Variants in MEGF10 observed in about 807,000 individuals in gnomAD.
The protein encoded by MEGF10 is multiple epidermal growth factor-like domains protein 10.
MEGF10 carries 86 observed loss-of-function variants against 147.5 expected under a neutral mutation model. The ratio of observed to expected loss-of-function variants is 0.58; its 90% CI spans 0.49 to 0.70. MEGF10 has a LOEUF of 0.70. Among genes scored for constraint, MEGF10 ranks in the 30% least tolerant of loss-of-function variants. The probability of loss-of-function intolerance (pLI) is 0.00; values close to 1 mark genes in which losing one functional copy is unlikely to be tolerated. For missense variants in MEGF10, 1,329 were observed against 1,487.3 expected, an observed-to-expected ratio of 0.89 and a Z score of 1.75; for synonymous variants, 478 against 525.5, an observed-to-expected ratio of 0.91 and a Z score of 1.24.
chr5:127,288,512 G>A (rs920508253), upstream of MEGF10, among the ~76,000 whole-genome samples: 1 of 152,268 alleles, frequency 6.6e-6, no homozygotes, highest in South Asian at 2.1e-4. Context: ...TCATTAGTCA[G>A]TAAGGAAACG....
At chr5:127,264,031 T>G in the MEGF10 span, among the ~76,000 whole-genome samples, 2,502 of 152,238 alleles carry the variant, frequency 0.016, 55 homozygotes, top group East Asian at 0.086. Context: ...CTCACCAAAC[T>G]GATTCTCTTA....
rs56157640 is a variant in MEGF10, at chr5:127,455,564, G to A, written c.3189G>A (p.Glu1063=). The A allele has an allele frequency of 0.022, 34,737 of 1,614,078 alleles. 602 individuals are homozygous for A. Among genetic ancestry groups the A allele is most frequent in the South Asian group, 0.067 (6,079 of 91,078 alleles). ...CACGAAGAGATTCCCCATATGCAGA[G>A]ATCAATAACTCAACTTCAGCCAACA... ...SPARRDSPYA[E]INNSTSANRN... Residue 1063 remains glutamate (E), a synonymous_variant, in exon 24 of 25, where the codon GAG becomes GAA. Coordinates refer to ENST00000503335, the MANE Select transcript of MEGF10 (RefSeq NM_001256545.2).
At chr5:127,236,609 C>A in the MEGF10 span, among the ~76,000 whole-genome samples, 1 of 152,176 alleles carries the variant, frequency 6.6e-6, no homozygotes, top group Admixed American at 6.5e-5. Context: ...TTCCCAAGGA[C>A]GTCACCCTCT....
intron 7 of MEGF10, among the ~76,000 whole-genome samples, chr5:127,400,194 T>A (rs778107636): frequency 4.6e-5 from 7 of 151,976 alleles, no homozygotes; most frequent in Non-Finnish European, 8.8e-5. Context: ...GGGTTAGAAA[T>A]GGTGAGTAGC....
chr5:127,280,029 A>G, the MEGF10 span, among the ~76,000 whole-genome samples: 1 of 152,208 alleles, frequency 6.6e-6, no homozygotes, highest in South Asian at 2.1e-4. Flanking sequence ...TATGTGGGCA[A>G]AAGAGTTTAT....
intron 1 of MEGF10, among the ~76,000 whole-genome samples, chr5:127,300,856 A>G (rs1318460494): frequency 6.6e-6 from 1 of 152,168 alleles, no homozygotes; most frequent in Non-Finnish European, 1.5e-5. Context: ...AGCAACTCCA[A>G]TGCCTAAGAG....
chr5:127,232,026 C>T, the MEGF10 span, among the ~76,000 whole-genome samples: 4 of 152,174 alleles, frequency 2.6e-5, no homozygotes, highest in Non-Finnish European at 5.9e-5. Flanking sequence ...GCAGGAGTGG[C>T]AGCAGAAAAC....
At chr5:127,364,599 C>G (rs1430849275) in intron 4 of MEGF10, among the ~76,000 whole-genome samples, 2 of 152,162 alleles carry the variant, frequency 1.3e-5, no homozygotes, top group Admixed American at 1.3e-4. Flanking sequence ...ATAGGGTAGG[C>G]TGCAATATAA....
rs181756479 is a variant in MEGF10 at position 127,298,181 on chromosome 5, C to T, written c.-19+7125C>T. On this transcript the variant is annotated intron_variant, in intron 1 of 24. Coordinates refer to ENST00000503335, the MANE Select transcript of MEGF10 (RefSeq NM_001256545.2). The stretch of plus-strand genomic sequence containing the variant: ...CATCCTACCATTGCCACTTTCTCAC[C>T]GCCCATCTTTTTCTGAAGGCTACCA... Among the ~76,000 whole-genome samples, 6 of 152,200 alleles carry T rather than the reference C, an allele frequency of 3.9e-5. No individual in the cohort carries two copies. The East Asian group carries it at 5.8e-4, about 15-fold the overall frequency.
chr5:127,274,205 G>A, the MEGF10 span, among the ~76,000 whole-genome samples: 1 of 151,636 alleles, frequency 6.6e-6, no homozygotes, highest in African/African-American at 2.4e-5. Context: ...AAAAAAGGTA[G>A]GGGCAGAAGA....
chr5:127,287,940 G>GACTCA (rs1759080317), upstream of MEGF10, among the ~76,000 whole-genome samples: 1 of 151,974 alleles, frequency 6.6e-6, no homozygotes, highest in South Asian at 2.1e-4. Context: ...TCCTGAAATA[G>GACTCA]ACTCACTCAT....
chr5:127,264,245 A>G, the MEGF10 span, among the ~76,000 whole-genome samples: 1 of 152,204 alleles, frequency 6.6e-6, no homozygotes, highest in African/African-American at 2.4e-5. Context: ...TAGCATATTC[A>G]GAGCATCTCT....
chr5:127,299,949 A>G (rs776954536), intron 1 of MEGF10: 3 of 152,030 alleles, frequency 2.0e-5, no homozygotes, highest in Non-Finnish European at 4.4e-5. Context: ...GCTTGAGGTC[A>G]CTTAGAGCTC....
chr5:127,283,262 A>G, the MEGF10 span, among the ~76,000 whole-genome samples: 2 of 152,370 alleles, frequency 1.3e-5, no homozygotes, highest in Middle Eastern at 3.4e-3. Context: ...ACACACATTC[A>G]TAAGTCCTCA....
At position 127,336,545 on chromosome 5, in the gene MEGF10, A is replaced by G. The variant is rs553716531; in HGVS notation, c.117-2575A>G. Among the ~76,000 whole-genome samples, 141 of 152,278 alleles carry G rather than the reference A, an allele frequency of 9.3e-4. 1 individual carries two copies. The highest frequency in any genetic ancestry group is 3.2e-3 in the African/African-American group (132 of 41,580). On this transcript the variant is annotated intron_variant, in intron 2 of 24. Coordinates refer to ENST00000503335, the MANE Select transcript of MEGF10 (RefSeq NM_001256545.2). ...CATTTAAAAACTCTTTTTGGTTCCT[A>G]GAAACCAGTGAAAACATTTTACTTG...
At chr5:127,323,846 A>T (rs1760895091) in intron 1 of MEGF10, among the ~76,000 whole-genome samples, 1 of 152,166 alleles carries the variant, frequency 6.6e-6, no homozygotes, top group Non-Finnish European at 1.5e-5. Context: ...CCCAAGATGG[A>T]TCACTCACAC....
At chr5:127,244,054 G>C in the MEGF10 span, among the ~76,000 whole-genome samples, 10 of 151,700 alleles carry the variant, frequency 6.6e-5, no homozygotes, top group Admixed American at 5.9e-4. Flanking sequence ...AAATTAGCTG[G>C]GCATGGTGGT....
At chr5:127,360,811 G>GTT (rs893427858) in intron 4 of MEGF10, among the ~76,000 whole-genome samples, 3 of 151,128 alleles carry the variant, frequency 2.0e-5, no homozygotes, top group Admixed American at 6.6e-5. Flanking sequence ...ATATATATAG[G>GTT]TTATATATAT....
intron 8 of MEGF10, among the ~76,000 whole-genome samples, chr5:127,403,768 T>G (rs1580823038): frequency 1.3e-5 from 2 of 152,252 alleles, no homozygotes; most frequent in Non-Finnish European, 2.9e-5. Flanking sequence ...TGCAAATTAC[T>G]GGATCTCATT....
Sources: gnomAD v4.1 joint callset for allele counts (sites outside exome capture counted in the v4.1 genomes callset) on GRCh38, gnomAD v4.1.1 for gene constraint, MANE v1.5 for transcripts, NCBI Gene and HGNC (gene_info 2026-07-23, HGNC 2026-07-21) for gene names.